KCNMB1: variants seen among roughly 807,000 people sequenced by gnomAD.
The protein encoded by KCNMB1 is calcium-activated potassium channel subunit beta-1.
KCNMB1 carries 22 observed loss-of-function variants against 21.7 expected under a neutral mutation model. The ratio of observed to expected loss-of-function variants is 1.01; its 90% confidence interval spans 0.72 to 1.45. The LOEUF is 1.45. Among genes scored for constraint, KCNMB1 ranks in the 40% most tolerant of loss-of-function variants. The pLI is 0.00. For missense variants in KCNMB1, 243 were observed against 243.4 expected (o/e 1.00, Z 0.01); for synonymous variants, 114 against 107.6 (o/e 1.06, Z -0.37).
chr5:170,384,322 C>A (rs1050518874), intron 2 of KCNMB1, among the ~76,000 whole-genome samples: 1 of 152,188 alleles, frequency 6.6e-6, no homozygotes, highest in Non-Finnish European at 1.5e-5. Context: ...TTGCTGAGAC[C>A]TTGCAGGACC....
In KCNMB1 at chr5:170,378,832, G is replaced by C. The variant is rs565730657; in HGVS notation, c.448C>G (p.Arg150Gly). ...AGGAGGGCCTGGGGCCCGTAGAGGC[G>C]CTGGAATAGGACGCTGGTTTCGTTC... Reference protein sequence around the residue: ...RGNETSVLFQRLYGPQALLFS... With the variant: ...RGNETSVLFQGLYGPQALLFS... Residue 150 changes from arginine (R) to glycine (G), a missense_variant, in exon 4 of 4, where the codon CGC becomes GGC. By Grantham distance (125) the Arg-to-Gly change is moderately radical (BLOSUM62 -2). Transcript: ENST00000274629. 13 of 1,614,122 alleles carry C rather than the reference G, an allele frequency of 8.1e-6. No individual in the cohort carries two copies. Among genetic ancestry groups the C allele is most frequent in the Non-Finnish European group, 9.3e-6 (11 of 1,180,044 alleles).
intron 1 of KCNMB1, 52 bp from the exon 2 acceptor site, chr5:170,385,523 C>A: frequency 1.3e-6 from 2 of 1,548,910 alleles, no homozygotes; most frequent in South Asian, 2.3e-5. Context: ...CACAGGTGAT[C>A]CACAGAAAGA....
rs147852013 is a variant in KCNMB1 at position 170,385,874 on chromosome 5, C to G, written c.-24-403G>C. On this transcript the variant is annotated intron_variant, in intron 1 of 3. Transcript: ENST00000274629. Reference sequence around the variant, plus strand: ...GTGGCTCATGCCTGAAATCCCAGCACTTTCGGAGACCGAGGTGGGCGGATC... The same window carrying G: ...GTGGCTCATGCCTGAAATCCCAGCAGTTTCGGAGACCGAGGTGGGCGGATC... Among the ~76,000 whole-genome samples, 10 of 152,106 alleles carry G rather than the reference C, an allele frequency of 6.6e-5. No homozygotes were observed. The East Asian group carries it at 1.7e-3, about 26-fold the overall frequency.
chr5:170,378,668 G>C lies in KCNMB1; in HGVS notation c.*36C>G, dbSNP rs761760554. The C allele has an allele frequency of 2.6e-6, 4 of 1,566,706 alleles. No individual in the cohort carries two copies. Among genetic ancestry groups the C allele is most frequent in the South Asian group, 1.2e-5 (1 of 81,648 alleles). ...GCCCTGGGGGCCCAGCCAGTCCCCTGTGCCCTGACAAGTGGTATGGCATGG... is the reference window on the plus strand; with the variant it reads ...GCCCTGGGGGCCCAGCCAGTCCCCTCTGCCCTGACAAGTGGTATGGCATGG... On this transcript the variant is annotated 3_prime_UTR_variant, in exon 4 of 4. Transcript: ENST00000274629.
chr5:170,383,374 C>T (rs1031460028), intron 3 of KCNMB1: 11 of 594,538 alleles, frequency 1.9e-5, no homozygotes, highest in African/African-American at 1.7e-4. Flanking sequence ...TTATATACAG[C>T]GTCTCTGACT....
In KCNMB1 at chr5:170,378,694, A is replaced by C. The variant is rs979330926; in HGVS notation, c.*10T>G. ...TGCCCTGACAAGTGGTATGGCATGG[A>C]TGGATGGCTCTACTTCTGGGCCGCC... On this transcript the variant is annotated 3_prime_UTR_variant, in exon 4 of 4. Coordinates refer to ENST00000274629, the MANE Select transcript of KCNMB1 (RefSeq NM_004137.4). 3 of 1,601,470 alleles carry C rather than the reference A, an allele frequency of 1.9e-6. No homozygotes were observed. The African/African-American group carries it at 4.0e-5, about 21-fold the overall frequency.
intron 1 of KCNMB1, among the ~76,000 whole-genome samples, chr5:170,388,702 G>A (rs1764587606): frequency 6.6e-6 from 1 of 152,140 alleles, no homozygotes; most frequent in African/African-American, 2.4e-5. Context: ...CGATTCTGAG[G>A]TCCTCAGACA....
Position 170,376,781 on chromosome 5 carries a change from C to G in KCNMB1, c.*1923G>C, listed in dbSNP as rs899400774. 6.6e-6 allele frequency: 1 copy of G among 151,992 alleles called. No homozygotes were observed. The highest frequency in any genetic ancestry group is 1.5e-5 in the Non-Finnish European group (1 of 68,004). 9.4% of individuals were successfully genotyped at this position (151,992 alleles called of 1,614,324 possible). On this transcript the variant is annotated 3_prime_UTR_variant, in exon 4 of 4. Transcript: ENST00000274629. The stretch of plus-strand genomic sequence containing the variant: ...TTAATAATGGGTACTAGACTTAATA[C>G]CTGGGTGATGAAATAATCTGCACAA...
At position 170,378,661 on chromosome 5, in the gene KCNMB1, G is replaced by A. The variant is rs1318610226; in HGVS notation, c.*43C>T. 1.3e-6 allele frequency: 2 copies of A among 1,548,994 alleles called. No individual in the cohort carries two copies. Among genetic ancestry groups the A allele is most frequent in the East Asian group, 4.5e-5 (2 of 44,422 alleles). On this transcript the variant is annotated 3_prime_UTR_variant, in exon 4 of 4. Transcript: ENST00000274629. ...GGGAGCAGCCCTGGGGGCCCAGCCA[G>A]TCCCCTGTGCCCTGACAAGTGGTAT...
intron 3 of KCNMB1, among the ~76,000 whole-genome samples, chr5:170,382,174 C>T (rs965343747): frequency 6.6e-6 from 1 of 152,200 alleles, no homozygotes; most frequent in Non-Finnish European, 1.5e-5. Flanking sequence ...CACCTGTAGG[C>T]TCCATCTTCC....
intron 3 of KCNMB1, among the ~76,000 whole-genome samples, chr5:170,381,352 A>G (rs549717568): frequency 2.6e-5 from 4 of 152,302 alleles, no homozygotes; most frequent in African/African-American, 9.6e-5. Flanking sequence ...GGGAATTTAG[A>G]ACTCACCTGC....
chr5:170,388,690 G>C (rs1241918547), intron 1 of KCNMB1, among the ~76,000 whole-genome samples: 4 of 152,140 alleles, frequency 2.6e-5, no homozygotes, highest in Non-Finnish European at 5.9e-5. Flanking sequence ...GTGTGGACAG[G>C]GCGATTCTGA....
intron 3 of KCNMB1, among the ~76,000 whole-genome samples, chr5:170,379,706 T>A (rs995505774): frequency 6.6e-6 from 1 of 152,174 alleles, no homozygotes; most frequent in African/African-American, 2.4e-5. Context: ...CCTAACACTT[T>A]GGGAAGCCGA....
chr5:170,383,529 A>G (rs56745446), intron 3 of KCNMB1, 150 bp downstream of exon 3: 3 of 838,866 alleles, frequency 3.6e-6, no homozygotes, highest in Non-Finnish European at 5.8e-6. Context: ...TCCAACACAG[A>G]AGAGCTAGGG....
At chr5:170,386,876 T>C (rs372032865) in intron 1 of KCNMB1, among the ~76,000 whole-genome samples, 2 of 151,910 alleles carry the variant, frequency 1.3e-5, no homozygotes, top group Non-Finnish European at 1.5e-5. Flanking sequence ...TCCTTGTTTT[T>C]CCCCTGGACA....
chr5:170,380,584 G>A (rs1764200567), intron 3 of KCNMB1, among the ~76,000 whole-genome samples: 1 of 152,248 alleles, frequency 6.6e-6, no homozygotes, highest in Admixed American at 6.5e-5. Context: ...GCTGCACTCA[G>A]ATCTAGGGCC....
chr5:170,385,381 T>C lies in KCNMB1; in HGVS notation c.67A>G (p.Met23Val), dbSNP rs749039000. Residue 23 changes from methionine (M) to valine (V), a missense_variant, in exon 2 of 4, where the codon ATG becomes GTG. Met to Val is a conservative substitution (Grantham distance 21, BLOSUM62 1). Transcript: ENST00000274629. ...TAGGTGATGACGGCACACACCACCA[T>C]GGTTACACCCAGGCAAAGGGCTCGT... ...ETRALCLGVT[M>V]VVCAVITYYI... The C allele has an allele frequency of 4.3e-6, 7 of 1,614,118 alleles. No homozygotes were observed. Among genetic ancestry groups the C allele is most frequent in the Non-Finnish European group, 5.1e-6 (6 of 1,180,010 alleles).
At position 170,376,150 on chromosome 5, in the gene KCNMB1, C is replaced by CTTTTTTTTTTTTTTTTT. The variant is rs397885011; in HGVS notation, c.*2537_*2553dup. On this transcript the variant is annotated 3_prime_UTR_variant, in exon 4 of 4. Transcript: ENST00000274629. Reference sequence around the variant, plus strand: ...AGTTTCTGAGTATTCATGACTTATTCTTTTTTTTTTTTTTTTTTTTTTTTT... The same window carrying CTTTTTTTTTTTTTTTTT: ...AGTTTCTGAGTATTCATGACTTATTCTTTTTTTTTTTTTTTTTTTTTTTTTTTTTTTTTTTTTTTTTT... 1.4e-5 allele frequency: 1 copy of CTTTTTTTTTTTTTTTTT among 70,638 alleles called. No individual in the cohort carries two copies. Among genetic ancestry groups the CTTTTTTTTTTTTTTTTT allele is most frequent in the Non-Finnish European group, 2.8e-5 (1 of 35,598 alleles). 4.4% of individuals were successfully genotyped at this position (70,638 alleles called of 1,614,324 possible).
chr5:170,381,195 T>C (rs1273788408), intron 3 of KCNMB1, among the ~76,000 whole-genome samples: 1 of 152,170 alleles, frequency 6.6e-6, no homozygotes, highest in Non-Finnish European at 1.5e-5. Flanking sequence ...AATTCACTCT[T>C]CATGGCCAAA....
Sources: allele counts gnomAD v4.1 joint callset (sites outside exome capture counted in the v4.1 genomes callset), GRCh38; gene constraint gnomAD v4.1.1; transcripts MANE v1.5; gene names NCBI Gene and HGNC (gene_info 2026-07-23, HGNC 2026-07-21).